Variants in RB1 observed in about 807,000 individuals in gnomAD.
RB1 encodes RB transcriptional corepressor 1.
In RB1, 18 loss-of-function variants were observed where a neutral mutation model predicts 135.4. That is an observed-to-expected ratio of 0.13 (90% confidence interval 0.09 to 0.20). The LOEUF (loss-of-function observed/expected upper bound fraction) is 0.20, where lower values mean the gene tolerates loss of function less well. RB1 is among the 10% of genes least tolerant of loss of function. The pLI is 1.00. For synonymous variants in RB1, 365 were observed against 373.2 expected (o/e 0.98, Z 0.25); for missense variants, 868 against 1,110.0 (o/e 0.78, Z 3.10).
chr13:48,423,714 G>T (rs1357842030), intron 17 of RB1, among the ~76,000 whole-genome samples: 1 of 152,196 alleles, frequency 6.6e-6, no homozygotes, highest in African/African-American at 2.4e-5. Context: ...GAGAGAGTAT[G>T]TGAGACTTAA....
chr13:48,461,424 T>G (rs1313953906), intron 20 of RB1, among the ~76,000 whole-genome samples: 2 of 152,154 alleles, frequency 1.3e-5, no homozygotes, highest in Admixed American at 6.5e-5. Context: ...GTGATAAACA[T>G]TTGGGTTGTT....
chr13:48,342,455 G>A (rs1952453977), intron 2 of RB1, 144 bp from the exon 3 acceptor site: 3 of 553,562 alleles, frequency 5.4e-6, no homozygotes, highest in Non-Finnish European at 9.6e-6. Flanking sequence ...TATGCCATCA[G>A]AAGGATGTGT....
At chr13:48,475,834 G>T (rs1464890948) in intron 24 of RB1, among the ~76,000 whole-genome samples, 4 of 152,148 alleles carry the variant, frequency 2.6e-5, no homozygotes, top group Non-Finnish European at 5.9e-5. Context: ...AATAGTTCAC[G>T]ATGGGCTCAG....
intron 2 of RB1, among the ~76,000 whole-genome samples, chr13:48,335,383 G>A (rs1952374374): frequency 6.6e-6 from 1 of 151,770 alleles, no homozygotes; most frequent in African/African-American, 2.4e-5. Context: ...AGTTTTGTGG[G>A]TACATATCAA....
At chr13:48,391,975 A>T (rs1948614119) in intron 17 of RB1, among the ~76,000 whole-genome samples, 2 of 152,054 alleles carry the variant, frequency 1.3e-5, no homozygotes, top group Admixed American at 1.3e-4. Context: ...TCCAGCTTTT[A>T]TGTCTGGAAA....
chr13:48,445,256 C>G (rs1224296586), intron 17 of RB1: 2 of 152,218 alleles, frequency 1.3e-5, no homozygotes. Flanking sequence ...GACCCCAATT[C>G]TGTACTAAGT....
chr13:48,444,761 A>G (rs1050080666), intron 17 of RB1: 1 of 152,068 alleles, frequency 6.6e-6, no homozygotes, highest in African/African-American at 2.4e-5. Context: ...CCCCTACACT[A>G]TAGGGCAAAA....
chr13:48,431,558 G>T (rs760452770), intron 17 of RB1, among the ~76,000 whole-genome samples: 1 of 152,126 alleles, frequency 6.6e-6, no homozygotes, highest in Non-Finnish European at 1.5e-5. Flanking sequence ...AATTTCTGTG[G>T]TTACTTTTTT....
chr13:48,345,090 T>C lies in RB1; in HGVS notation c.391T>C (p.Phe131Leu). 1 of 1,611,758 alleles carries C rather than the reference T, an allele frequency of 6.2e-7. No individual in the cohort carries two copies. Among genetic ancestry groups the C allele is most frequent in the South Asian group, 1.1e-5 (1 of 90,968 alleles). Reference sequence around the variant, plus strand: ...TTCTTTCCTTTGTAGTGTCCATAAATTCTTTAACTTACTAAAAGAAATTGA... The same window carrying C: ...TTCTTTCCTTTGTAGTGTCCATAAACTCTTTAACTTACTAAAAGAAATTGA... Reference protein sequence around the residue: ...QKNIEISVHKFFNLLKEIDTS... With the variant: ...QKNIEISVHKLFNLLKEIDTS... Residue 131 changes from phenylalanine (F) to leucine (L), a missense_variant, in exon 4 of 27, where the codon TTC (phenylalanine) becomes CTC (leucine). Physicochemically the swap from Phe to Leu is conservative, Grantham distance 22 (BLOSUM62 0). Transcript: ENST00000267163.
intron 17 of RB1, chr13:48,444,921 A>T (rs374192010): frequency 2.0e-5 from 3 of 152,182 alleles, no homozygotes; most frequent in African/African-American, 2.4e-5. Context: ...ACAACACAAC[A>T]GTTTTTATAT....
At chr13:48,353,813 A>T (rs1466682526) in intron 6 of RB1, among the ~76,000 whole-genome samples, 1 of 152,130 alleles carries the variant, frequency 6.6e-6, no homozygotes, top group Non-Finnish European at 1.5e-5. Flanking sequence ...GTGGTATGTC[A>T]TATCAACAGA....
intron 17 of RB1, among the ~76,000 whole-genome samples, chr13:48,388,898 G>A (rs977316165): frequency 2.0e-5 from 3 of 152,092 alleles, no homozygotes; most frequent in Admixed American, 6.6e-5. Flanking sequence ...AATGGCTCCC[G>A]CCTGTAATCC....
chr13:48,352,229 G>A (rs1952554632), intron 6 of RB1, among the ~76,000 whole-genome samples: 1 of 152,142 alleles, frequency 6.6e-6, no homozygotes, highest in African/African-American at 2.4e-5. Context: ...TTTTGTACCA[G>A]TAACATGCTG....
intron 17 of RB1, among the ~76,000 whole-genome samples, chr13:48,385,588 G>A (rs746698301): frequency 2.0e-4 from 30 of 152,106 alleles, no homozygotes; most frequent in Admixed American, 5.9e-4. Context: ...CTTGGCCACT[G>A]AAGAGAGTGG....
At chr13:48,461,179 C>T (rs1006146667) in intron 20 of RB1, among the ~76,000 whole-genome samples, 2 of 152,060 alleles carry the variant, frequency 1.3e-5, no homozygotes, top group Non-Finnish European at 2.9e-5. Flanking sequence ...TTCCCCTACC[C>T]CCTCAGCCCA....
At chr13:48,320,487 GGAGGGACGCGCA>G (rs1280755269) in intron 2 of RB1, 3 of 716,966 alleles carry the variant, frequency 4.2e-6, no homozygotes, top group East Asian at 2.7e-5. Flanking sequence ...TAGCAGAAGG[GGAGGGACGCGCA>G]GAGGGACGAC....
chr13:48,364,844 A>G (rs113124079), intron 8 of RB1, 50 bp from the exon 9 acceptor site: 1 of 1,535,872 alleles, frequency 6.5e-7, no homozygotes, highest in Non-Finnish European at 8.8e-7. Flanking sequence ...TCAAGAGATT[A>G]GATTTTGTTT....
rs2804085 is a variant in RB1 at position 48,381,065 on chromosome 13, T to A, written c.1499-182T>A. On this transcript the variant is annotated intron_variant, in intron 16 of 26. Transcript: ENST00000267163. ...TTCTCTAGGAAAAACACAGATTTGC[T>A]TACACTCAAAATTGGAAGGCTATTT... is the stretch of plus-strand genomic sequence containing the variant. 0.92 allele frequency among the ~76,000 whole-genome samples: 140,500 copies of A among 152,160 alleles called. 65,487 individuals are homozygous for A. The highest frequency in any genetic ancestry group is 1 in the East Asian group (5,168 of 5,184).
intron 5 of RB1, 92 bp from the exon 6 acceptor site, chr13:48,348,864 A>T: frequency 6.9e-7 from 1 of 1,458,342 alleles, no homozygotes; most frequent in Admixed American, 2.3e-5. Context: ...TTTTTAATGC[A>T]CAAAAAGAAA....
Sources: allele counts gnomAD v4.1 joint callset (sites outside exome capture counted in the v4.1 genomes callset), GRCh38; gene constraint gnomAD v4.1.1; transcripts MANE v1.5; gene names NCBI Gene and HGNC (gene_info 2026-07-23, HGNC 2026-07-21).